The following GARNL3 variants were observed in gnomAD, a reference collection of about 807,000 sequenced individuals.
GARNL3 encodes the protein GTPase activating Rap/RanGAP domain like 3, also known as GTPase-activating Rap/Ran-GAP domain-like protein 3.
A neutral mutation model predicts 125.0 loss-of-function variants in GARNL3; 63 were observed. The observed-to-expected ratio is 0.50, with a 90% confidence interval of 0.41 to 0.62. The LOEUF is 0.62. Among genes scored for constraint, GARNL3 ranks in the 20% least tolerant of loss-of-function variants. The pLI is 0.00. For missense variants in GARNL3, 994 were observed against 1,244.0 expected (o/e 0.80, Z 3.02); for synonymous variants, 439 against 457.5 (o/e 0.96, Z 0.52).
At chr9:127,237,613 G>A (rs1317151978) in intron 1 of GARNL3, among the ~76,000 whole-genome samples, 1 of 152,196 alleles carries the variant, frequency 6.6e-6, no homozygotes, top group East Asian at 1.9e-4. Context: ...TTGATGGAAA[G>A]TTGGTCACAT....
At chr9:127,271,073 CTGGAGATGAT>C (rs2063812325) in intron 1 of GARNL3, among the ~76,000 whole-genome samples, 1 of 150,188 alleles carries the variant, frequency 6.7e-6, no homozygotes, top group African/African-American at 2.5e-5. Flanking sequence ...CAGATTTTCT[CTGGAGATGAT>C]ATAGACAAGT....
chr9:127,348,957 C>T lies in GARNL3; in HGVS notation c.1465C>T (p.Pro489Ser), dbSNP rs1417961636. The T allele has an allele frequency of 6.2e-7, 1 of 1,613,536 alleles. No homozygotes were observed. The highest frequency in any genetic ancestry group is 1.1e-5 in the South Asian group (1 of 90,968). ...GCCCCAGTGTTTCTGCAGTAATTTCCCTCATGAAGCCGTGTGTGCAGATCC... is the reference window on the plus strand; with the variant it reads ...GCCCCAGTGTTTCTGCAGTAATTTCTCTCATGAAGCCGTGTGTGCAGATCC... ...WEPQCFCSNF[P>S]HEAVCADPWG... Residue 489 changes from proline to serine, a missense_variant, in exon 17 of 28, where the codon CCT (proline) becomes TCT (serine). Coordinates refer to ENST00000373387, the MANE Select transcript of GARNL3 (RefSeq NM_032293.5).
chr9:127,261,919 G>A (rs2063601565), upstream of GARNL3, among the ~76,000 whole-genome samples: 1 of 152,146 alleles, frequency 6.6e-6, no homozygotes, highest in Non-Finnish European at 1.5e-5. Context: ...TCATTGTGAA[G>A]AACCTCGCTA....
intron 1 of GARNL3, chr9:127,224,719 A>G: frequency 6.6e-6 from 1 of 151,570 alleles, no homozygotes. Flanking sequence ...GCGCGAGCTC[A>G]GTAGTGCAGG....
chr9:127,380,951 T>C (rs942315012), intron 22 of GARNL3, among the ~76,000 whole-genome samples: 1 of 152,226 alleles, frequency 6.6e-6, no homozygotes, highest in African/African-American at 2.4e-5. Flanking sequence ...TGATCTTGGC[T>C]CACTGCAACC....
At chr9:127,378,587 C>CA (rs60768775) in intron 22 of GARNL3, among the ~76,000 whole-genome samples, 26 of 104,038 alleles carry the variant, frequency 2.5e-4, no homozygotes, top group African/African-American at 5.7e-4. Context: ...AACTCCGTCA[C>CA]AAAAAAAAAA....
chr9:127,240,597 C>T (rs1194693954), intron 1 of GARNL3, among the ~76,000 whole-genome samples: 1 of 152,164 alleles, frequency 6.6e-6, no homozygotes, highest in Non-Finnish European at 1.5e-5. Flanking sequence ...TTCTAGTAGC[C>T]ACATTAAAAT....
chr9:127,380,200 A>ATGTGTGTGTGTGTGTG (rs55906930), intron 22 of GARNL3, among the ~76,000 whole-genome samples: 11 of 141,642 alleles, frequency 7.8e-5, no homozygotes, highest in African/African-American at 1.8e-4. Flanking sequence ...CTCAAAAAAT[A>ATGTGTGTGTGTGTGTG]TGTGTGTGTG....
intron 6 of GARNL3, among the ~76,000 whole-genome samples, chr9:127,324,637 T>C (rs998008983): frequency 2.0e-5 from 3 of 152,198 alleles, no homozygotes; most frequent in Non-Finnish European, 2.9e-5. Context: ...AACTTTTATA[T>C]GGGGTGACTA....
chr9:127,331,243 C>T (rs1229637545), intron 7 of GARNL3, among the ~76,000 whole-genome samples: 1 of 152,102 alleles, frequency 6.6e-6, no homozygotes, highest in Non-Finnish European at 1.5e-5. Flanking sequence ...AATCCCAGCA[C>T]TTTGGGAGGC....
At chr9:127,374,904 CT>C in intron 22 of GARNL3, among the ~76,000 whole-genome samples, 1 of 135,726 alleles carries the variant, frequency 7.4e-6, no homozygotes, top group Non-Finnish European at 1.5e-5. Context: ...GAGACTCCAT[CT>C]CTACAAAAAA....
At position 127,235,272 on chromosome 9, in the gene GARNL3, A is replaced by G. The variant is rs765244650; in HGVS notation, c.-28-7807A>G. Among the ~76,000 whole-genome samples, 75 of 151,688 alleles carry G rather than the reference A, an allele frequency of 4.9e-4. 1 individual carries two copies. Among genetic ancestry groups the G allele is most frequent in the Admixed American group, 9.2e-4 (14 of 15,204 alleles). On this transcript the variant is annotated intron_variant, in intron 1 of 10. Transcript: ENST00000439286. ...GCCACATTTTAAGTGCTGAGTAGCC[A>G]CCTGTGGTTGGTGGCTGCCTTAGGA...
intron 3 of GARNL3, 70 bp from the exon 4 acceptor site, chr9:127,313,371 C>A: frequency 9.6e-7 from 1 of 1,042,872 alleles, no homozygotes; most frequent in Non-Finnish European, 1.5e-6. Flanking sequence ...ACACCACCTG[C>A]AGTGTCCTCT....
At chr9:127,278,860 C>T (rs1397450202) in intron 1 of GARNL3, among the ~76,000 whole-genome samples, 7 of 152,168 alleles carry the variant, frequency 4.6e-5, no homozygotes, top group East Asian at 3.9e-4. Context: ...CTTGTAGCTG[C>T]GTCACTCCAG....
In GARNL3 at chr9:127,353,883, G is replaced by C. The variant is rs1258757156; in HGVS notation, c.1581G>C (p.Leu527=). 6 of 1,613,934 alleles carry C rather than the reference G, an allele frequency of 3.7e-6. No homozygotes were observed. The highest frequency in any genetic ancestry group is 5.1e-6 in the Non-Finnish European group (6 of 1,179,830). Residue 527 remains leucine, a synonymous_variant, in exon 18 of 28, where the codon CTG becomes CTC. Transcript: ENST00000373387. ...CAGTGCCCGTGTTTGACAGAACTCT[G>C]CCAGTGAAGCAAATGCATGTGCTTG... ...LPSVPVFDRT[L]PVKQMHVLET...
chr9:127,318,191 T>C, intron 5 of GARNL3, 64 bp downstream of exon 5: 2 of 972,026 alleles, frequency 2.1e-6, no homozygotes, highest in Non-Finnish European at 3.4e-6. Context: ...TGTTTTTGCC[T>C]GTGATCATTC....
chr9:127,318,011 G>A, intron 4 of GARNL3, 52 bp from the exon 5 acceptor site: 3 of 1,084,110 alleles, frequency 2.8e-6, no homozygotes, highest in South Asian at 1.2e-5. Context: ...AGGCTCTTTT[G>A]GAGAAGGAAG....
chr9:127,344,011 T>C (rs898558670), intron 14 of GARNL3, among the ~76,000 whole-genome samples: 2 of 152,054 alleles, frequency 1.3e-5, no homozygotes, highest in Non-Finnish European at 2.9e-5. Context: ...TTCAAAGCCG[T>C]GTCCTCAGCC....
Position 127,242,567 on chromosome 9 carries a change from C to A in GARNL3, c.-28-512C>A, listed in dbSNP as rs1457501918. On this transcript the variant is annotated intron_variant, in intron 1 of 10. Coordinates refer to the GARNL3 transcript ENST00000439286. The surrounding 1 kb of genome is among the most constrained non-coding windows in gnomAD (Gnocchi z 4.6). ...AGCATTTACTGCTTATATATACTAT[C>A]TGCTATTACTCTTGAACTGTGGGCT... 6.6e-6 allele frequency among the ~76,000 whole-genome samples: 1 copy of A among 152,210 alleles called. No homozygotes were observed. Among genetic ancestry groups the A allele is most frequent in the Non-Finnish European group, 1.5e-5 (1 of 68,042 alleles).
Sources: allele counts gnomAD v4.1 joint callset (sites outside exome capture counted in the v4.1 genomes callset), GRCh38; gene constraint gnomAD v4.1.1; non-coding constraint Gnocchi (gnomAD v3.1); transcripts MANE v1.5; gene names NCBI Gene and HGNC (gene_info 2026-07-23, HGNC 2026-07-21).